Variants in COL27A1 observed in about 807,000 individuals in gnomAD.
COL27A1 encodes the protein collagen type XXVII alpha 1 chain.
In COL27A1, 106 loss-of-function variants were observed where a neutral mutation model predicts 251.3. The ratio of observed to expected loss-of-function variants is 0.42; its 90% confidence interval spans 0.36 to 0.50. The LOEUF is 0.50. COL27A1 is among the 20% of genes least tolerant of loss of function. COL27A1 has a pLI of 0.00. For missense variants in COL27A1, 2,325 were observed against 2,522.8 expected, an observed-to-expected ratio of 0.92 and a Z score of 1.68; for synonymous variants, 1,000 against 986.3, an observed-to-expected ratio of 1.01 and a Z score of -0.26.
At chr9:114,273,610 T>G (rs1835292717) in intron 36 of COL27A1, 1 of 152,480 alleles carries the variant, frequency 6.6e-6, no homozygotes, top group African/African-American at 2.4e-5. Flanking sequence ...CTCTGCTTCC[T>G]GTGCTCTCTC....
intron 12 of COL27A1, among the ~76,000 whole-genome samples, chr9:114,215,233 C>T (rs2135359374): frequency 6.6e-6 from 1 of 152,386 alleles, no homozygotes; most frequent in Non-Finnish European, 1.5e-5. Flanking sequence ...GCTTCTAACA[C>T]AGTGCATTTG....
chr9:114,220,937 G>A (rs1421484627), intron 13 of COL27A1, among the ~76,000 whole-genome samples: 2 of 150,146 alleles, frequency 1.3e-5, no homozygotes, highest in African/African-American at 4.9e-5. Flanking sequence ...GGAGGTTGCA[G>A]TGAGCCAAGA....
At chr9:114,190,849 T>C (rs1045435365) in intron 5 of COL27A1, among the ~76,000 whole-genome samples, 2 of 152,248 alleles carry the variant, frequency 1.3e-5, no homozygotes, top group African/African-American at 4.8e-5. Flanking sequence ...CACAAGCTCA[T>C]TGGCTGGAGA....
intron 13 of COL27A1, among the ~76,000 whole-genome samples, chr9:114,221,385 T>G (rs1831100502): frequency 6.6e-6 from 1 of 152,208 alleles, no homozygotes; most frequent in African/African-American, 2.4e-5. Context: ...TCTGCGAGTT[T>G]CCTTGGCGAG....
At chr9:114,270,476 G>A (rs536975584) in intron 35 of COL27A1, among the ~76,000 whole-genome samples, 2 of 152,218 alleles carry the variant, frequency 1.3e-5, no homozygotes, top group Non-Finnish European at 2.9e-5. Context: ...ACCCTGCAGA[G>A]GGAGCTGTCG....
intron 5 of COL27A1, among the ~76,000 whole-genome samples, chr9:114,183,501 C>T (rs1813478864): frequency 6.6e-6 from 1 of 152,042 alleles, no homozygotes; most frequent in South Asian, 2.1e-4. Flanking sequence ...AGAGCCAAGG[C>T]CGGGAGACCA....
Position 114,304,673 on chromosome 9 carries a change from G to A in COL27A1, c.4938G>A (p.Glu1646=), listed in dbSNP as rs201664861. 13 of 1,613,788 alleles carry A rather than the reference G, an allele frequency of 8.1e-6. No homozygotes were observed. The highest frequency in any genetic ancestry group is 1.1e-5 in the Non-Finnish European group (13 of 1,179,714). The stretch of plus-strand genomic sequence containing the variant: ...ACACCAGTGGAGCACTCAGGCCAGA[G>A]GTATCTCCAGGGGCTCTCCCCATGT... ...WMDTSGALRP[E]SYSYPDRLVL... is the part of the protein sequence containing the mutation. Residue 1646 remains glutamate (E), a splice_region_variant and synonymous_variant, in exon 57 of 61, where the codon GAG becomes GAA. Transcript: ENST00000356083.
At chr9:114,285,909 G>A (rs778216783) in intron 41 of COL27A1, among the ~76,000 whole-genome samples, 7 of 152,226 alleles carry the variant, frequency 4.6e-5, no homozygotes, top group Admixed American at 2.6e-4. Context: ...TCTGCCCTAA[G>A]GCTGCAGGGG....
At chr9:114,259,996 G>T (rs1004523216) in intron 28 of COL27A1, among the ~76,000 whole-genome samples, 2 of 20,760 alleles carry the variant, frequency 9.6e-5, no homozygotes, top group South Asian at 1.8e-3. Context: ...TCCTCTGGGT[G>T]GGGGGGGGGT....
chr9:114,261,333 C>A (rs1308160163), intron 28 of COL27A1, among the ~76,000 whole-genome samples: 2 of 152,150 alleles, frequency 1.3e-5, no homozygotes, highest in African/African-American at 2.4e-5. Context: ...AGACAGGTAG[C>A]TCTGATAGAA....
chr9:114,261,666 C>T (rs1184559053), intron 28 of COL27A1, among the ~76,000 whole-genome samples: 1 of 152,216 alleles, frequency 6.6e-6, no homozygotes, highest in Non-Finnish European at 1.5e-5. Flanking sequence ...CCCCAGTGTG[C>T]AGCCTTCCTG....
At chr9:114,206,336 A>G in intron 10 of COL27A1, 40 bp downstream of exon 10, 1 of 1,606,138 alleles carries the variant, frequency 6.2e-7, no homozygotes, top group Non-Finnish European at 8.5e-7. Context: ...GTGGGGTTCT[A>G]GGTGAGCATC....
chr9:114,265,609 G>T lies in COL27A1; in HGVS notation c.3393+134G>T, dbSNP rs368287845. ...TAACCCGCTGTGGGCCAGGCCTTGGGGTTGGTGGCGAGCACTAAGCCAGGA... is the reference window on the plus strand; with the variant it reads ...TAACCCGCTGTGGGCCAGGCCTTGGTGTTGGTGGCGAGCACTAAGCCAGGA... On this transcript the variant is annotated intron_variant, in intron 32 of 60. Coordinates refer to ENST00000356083, the MANE Select transcript of COL27A1 (RefSeq NM_032888.4). 119 of 817,592 alleles carry T rather than the reference G, an allele frequency of 1.5e-4. 2 individuals carry two copies. The highest frequency in any genetic ancestry group is 1.0e-3 in the East Asian group (37 of 36,962). The allele number at this position is 817,592 out of a possible 1,614,324, so 50.6% of individuals were successfully genotyped here. A position where few individuals can be genotyped will look rare whatever the true frequency, so the allele number is the denominator to read the frequency against.
intron 6 of COL27A1, among the ~76,000 whole-genome samples, chr9:114,194,808 T>C (rs894925651): frequency 2.6e-5 from 4 of 152,184 alleles, no homozygotes; most frequent in Non-Finnish European, 4.4e-5. Context: ...CAGAAGTTTC[T>C]TGGTAGCACA....
At chr9:114,154,104 A>G (rs921073123), upstream of COL27A1, among the ~76,000 whole-genome samples, 1 of 151,684 alleles carries the variant, frequency 6.6e-6, no homozygotes, top group Admixed American at 6.6e-5. The surrounding 1 kb of genome is among the most constrained non-coding windows in gnomAD (Gnocchi z 5.8). Context: ...CCCAGCACCT[A>G]TGAGCCGCCC....
At chr9:114,167,368 A>G (rs1216285416) in intron 2 of COL27A1, among the ~76,000 whole-genome samples, 1 of 152,226 alleles carries the variant, frequency 6.6e-6, no homozygotes, top group African/African-American at 2.4e-5. Context: ...AATAGATGGG[A>G]AAACTGAGGC....
At chr9:114,276,915 C>T (rs774652481) in intron 37 of COL27A1, among the ~76,000 whole-genome samples, 2 of 152,208 alleles carry the variant, frequency 1.3e-5, no homozygotes, top group Non-Finnish European at 2.9e-5. Flanking sequence ...TCTTTGATAC[C>T]GATAGCAACC....
intron 51 of COL27A1, 58 bp downstream of exon 51, chr9:114,300,745 A>T: frequency 7.2e-7 from 1 of 1,392,522 alleles, no homozygotes; most frequent in Non-Finnish European, 9.6e-7. Context: ...AAGGTTGGCC[A>T]GCCATCAGCT....
Position 114,245,878 on chromosome 9 carries a change from G to A in COL27A1, c.2947G>A (p.Asp983Asn). Residue 983 changes from aspartate (D) to asparagine (N), a missense_variant, in exon 24 of 61, where the codon GAT becomes AAT. Transcript: ENST00000356083. ...TGTCTCTTTGCAGGGGGAACCAGGG[G>A]ATCCTGGTCGGCCGGGGCCTGTGGG... ...GLDGVKGEPG[D>N]PGRPGPVGEQ... is the part of the protein sequence containing the mutation. 1 of 1,613,206 alleles carries A rather than the reference G, an allele frequency of 6.2e-7. No homozygotes were observed. The highest frequency in any genetic ancestry group is 8.5e-7 in the Non-Finnish European group (1 of 1,179,594).
Sources: allele counts gnomAD v4.1 joint callset (sites outside exome capture counted in the v4.1 genomes callset), GRCh38; gene constraint gnomAD v4.1.1; non-coding constraint Gnocchi (gnomAD v3.1); transcripts MANE v1.5; gene names NCBI Gene and HGNC (gene_info 2026-07-23, HGNC 2026-07-21).